Variants in DLG2 observed in about 807,000 individuals in gnomAD.
DLG2 encodes disks large homolog 2.
Under a neutral mutation model 132.5 loss-of-function variants are expected in DLG2, and 45 were observed. The ratio of observed to expected loss-of-function variants is 0.34; its 90% CI spans 0.27 to 0.44. The LOEUF is 0.44. Among genes scored for constraint, DLG2 ranks in the 20% least tolerant of loss-of-function variants. The pLI, the probability that DLG2 is intolerant of heterozygous loss-of-function variation, is 1.00. For synonymous variants in DLG2, 424 were observed against 419.6 expected (o/e 1.01, Z -0.13); for missense variants, 1,045 against 1,196.9 (o/e 0.87, Z 1.87).
intron 6 of DLG2, among the ~76,000 whole-genome samples, chr11:84,678,313 A>G (rs1342101332): frequency 6.6e-6 from 1 of 152,094 alleles, no homozygotes; most frequent in African/African-American, 2.4e-5. Flanking sequence ...TTTGCTTATC[A>G]TCAAAAGCAA....
chr11:83,852,357 A>T (rs138584293), intron 16 of DLG2, among the ~76,000 whole-genome samples: 2 of 152,340 alleles, frequency 1.3e-5, no homozygotes, highest in East Asian at 3.9e-4. Context: ...ATAAAAGTAT[A>T]ATCATACCAG....
At chr11:85,191,154 G>GCGCACA (rs1167104298) in intron 4 of DLG2, among the ~76,000 whole-genome samples, 2 of 125,084 alleles carry the variant, frequency 1.6e-5, no homozygotes, top group African/African-American at 6.4e-5. Flanking sequence ...GCGCGCGCGC[G>GCGCACA]CACGCGCGCA....
chr11:84,381,007 T>A (rs992618898), intron 7 of DLG2, among the ~76,000 whole-genome samples: 1 of 151,764 alleles, frequency 6.6e-6, no homozygotes, highest in African/African-American at 2.4e-5. Context: ...AGGAAGGAAT[T>A]GGGGAATGTA....
intron 6 of DLG2, among the ~76,000 whole-genome samples, chr11:85,056,349 A>T (rs2063457053): frequency 6.6e-6 from 1 of 152,114 alleles, no homozygotes; most frequent in African/African-American, 2.4e-5. Context: ...AAATTCAAAA[A>T]CTAAAAAATT....
chr11:84,095,422 A>C (rs2097152499), intron 10 of DLG2, among the ~76,000 whole-genome samples: 1 of 152,192 alleles, frequency 6.6e-6, no homozygotes, highest in Admixed American at 6.5e-5. Flanking sequence ...TACATACAGA[A>C]GTTAGAACCC....
At chr11:84,932,186 C>T (rs528494554) in intron 6 of DLG2, among the ~76,000 whole-genome samples, 3 of 152,276 alleles carry the variant, frequency 2.0e-5, no homozygotes, top group African/African-American at 7.2e-5. Flanking sequence ...ATAATGAAAT[C>T]TTTGCCCATG....
chr11:84,373,058 A>C (rs1181903245), intron 7 of DLG2, among the ~76,000 whole-genome samples: 1 of 151,904 alleles, frequency 6.6e-6, no homozygotes, highest in African/African-American at 2.4e-5. Flanking sequence ...TAACTGAAGG[A>C]AAGAGAGACA....
At chr11:85,103,100 T>C (rs894317913) in intron 6 of DLG2, among the ~76,000 whole-genome samples, 7 of 152,000 alleles carry the variant, frequency 4.6e-5, no homozygotes, top group East Asian at 1.9e-4. Flanking sequence ...CTATAAAACA[T>C]TGTAGAAAAA....
chr11:84,724,114 G>A (rs1045961927), intron 6 of DLG2, among the ~76,000 whole-genome samples: 3 of 151,986 alleles, frequency 2.0e-5, no homozygotes, highest in African/African-American at 7.2e-5. Flanking sequence ...TTGGCTACTA[G>A]GAGCCATGGT....
intron 2 of DLG2, among the ~76,000 whole-genome samples, chr11:85,623,929 A>G (rs771925399): frequency 3.9e-5 from 6 of 152,228 alleles, no homozygotes; most frequent in Non-Finnish European, 8.8e-5. Context: ...AGAGAATACT[A>G]ATACAACTTA....
rs539771843 is a variant in DLG2 at position 85,157,664 on chromosome 11, TCTG to T, written c.187-3016_187-3014del. ...TCAGAAGCAGATACGGAGCCTCAAA[TCTG>T]CTAAGATTACCCTGAGTGAAAGTCT... On this transcript the variant is annotated intron_variant, in intron 4 of 27. Transcript: ENST00000376104. 9.2e-5 allele frequency among the ~76,000 whole-genome samples: 14 copies of T among 152,194 alleles called. No homozygotes were observed. In the East Asian group the frequency reaches 2.7e-3, roughly 29 times the overall value.
At chr11:84,590,931 G>C (rs2099541249) in intron 6 of DLG2, among the ~76,000 whole-genome samples, 1 of 152,066 alleles carries the variant, frequency 6.6e-6, no homozygotes, top group Non-Finnish European at 1.5e-5. Context: ...GAAAATGATG[G>C]GACAAATCAA....
intron 6 of DLG2, among the ~76,000 whole-genome samples, chr11:84,810,650 C>A (rs913429945): frequency 6.6e-6 from 1 of 151,996 alleles, no homozygotes; most frequent in Non-Finnish European, 1.5e-5. Flanking sequence ...AACTTATGTT[C>A]AAATAGTTTT....
At chr11:83,673,934 C>G (rs191108846) in intron 18 of DLG2, among the ~76,000 whole-genome samples, 1 of 152,224 alleles carries the variant, frequency 6.6e-6, no homozygotes, top group Non-Finnish European at 1.5e-5. Context: ...AAATCCCTGA[C>G]CTGTCTTTCC....
intron 7 of DLG2, among the ~76,000 whole-genome samples, chr11:84,369,760 C>T (rs1283762399): frequency 1.3e-5 from 2 of 151,942 alleles, no homozygotes; most frequent in Non-Finnish European, 2.9e-5. Context: ...CTGAGAAACC[C>T]CAGGGTCAGA....
intron 6 of DLG2, among the ~76,000 whole-genome samples, chr11:85,003,703 T>C (rs1360829174): frequency 1.3e-5 from 2 of 152,132 alleles, no homozygotes; most frequent in East Asian, 3.9e-4. Flanking sequence ...GATAGATGGA[T>C]AATTAGTATA....
intron 8 of DLG2, among the ~76,000 whole-genome samples, chr11:84,169,681 T>C (rs115787471): frequency 0.018 from 1,797 of 98,510 alleles, 39 homozygotes; most frequent in African/African-American, 0.063. Context: ...ATGATCAGTA[T>C]AGCCAACATG....
At chr11:85,543,836 T>C (rs1252702627) in intron 3 of DLG2, among the ~76,000 whole-genome samples, 2 of 140,646 alleles carry the variant, frequency 1.4e-5, no homozygotes, top group African/African-American at 5.8e-5. Context: ...ATGGGGTTGT[T>C]TGTTTTTTTT....
At chr11:84,578,330 A>G (rs2099508286) in intron 6 of DLG2, among the ~76,000 whole-genome samples, 1 of 152,066 alleles carries the variant, frequency 6.6e-6, no homozygotes, top group Non-Finnish European at 1.5e-5. Context: ...GACAGCTTGC[A>G]CTGTGTACCT....
Sources: gnomAD v4.1 joint callset for allele counts (sites outside exome capture counted in the v4.1 genomes callset) on GRCh38, gnomAD v4.1.1 for gene constraint, MANE v1.5 for transcripts, NCBI Gene and HGNC (gene_info 2026-07-23, HGNC 2026-07-21) for gene names.